GALNT7: variants seen among roughly 807,000 people sequenced by gnomAD.
The protein encoded by GALNT7 is N-acetylgalactosaminyltransferase 7.
GALNT7 carries 60 observed loss-of-function variants against 82.1 expected under a neutral mutation model. The ratio of observed to expected loss-of-function variants is 0.73; its 90% CI spans 0.59 to 0.91. The LOEUF (loss-of-function observed/expected upper bound fraction) is 0.91, where lower values mean the gene tolerates loss of function less well. Among genes scored for constraint, GALNT7 ranks in the 40% least tolerant of loss-of-function variants. GALNT7 has a pLI of 0.00. For missense variants in GALNT7, 660 were observed against 804.2 expected (o/e 0.82, Z 2.17); for synonymous variants, 243 against 275.1 (o/e 0.88, Z 1.15).
At chr4:173,222,874 A>C (rs1201743503) in intron 1 of GALNT7, among the ~76,000 whole-genome samples, 1 of 152,242 alleles carries the variant, frequency 6.6e-6, no homozygotes, top group African/African-American at 2.4e-5. Context: ...TAGATGTTTT[A>C]AATAAAATGA....
intron 1 of GALNT7, among the ~76,000 whole-genome samples, chr4:173,210,910 A>G (rs1294067378): frequency 2.0e-5 from 3 of 152,230 alleles, no homozygotes; most frequent in South Asian, 2.1e-4. Context: ...TAAATTTTCT[A>G]GTAGCCATAT....
chr4:173,304,401 A>G (rs1580007298), intron 8 of GALNT7, among the ~76,000 whole-genome samples: 2 of 137,616 alleles, frequency 1.5e-5, no homozygotes, highest in Admixed American at 1.8e-4. Flanking sequence ...CCCATCTCTT[A>G]AAAAAAAAAA....
chr4:173,286,046 G>T (rs1736310869), intron 2 of GALNT7, among the ~76,000 whole-genome samples: 1 of 152,088 alleles, frequency 6.6e-6, no homozygotes. Flanking sequence ...ACCTTTTCCA[G>T]AAAAACAAGA....
intron 1 of GALNT7, among the ~76,000 whole-genome samples, chr4:173,176,157 C>T (rs149081219): frequency 1.3e-5 from 2 of 152,132 alleles, no homozygotes; most frequent in African/African-American, 4.8e-5. Flanking sequence ...ATGGCCAGAG[C>T]AGAGTCTTCA....
At chr4:173,236,311 A>T (rs72711051) in intron 1 of GALNT7, among the ~76,000 whole-genome samples, 4,768 of 152,222 alleles carry the variant, frequency 0.031, 129 homozygotes, top group Middle Eastern at 0.051. Context: ...AGACTTTGTC[A>T]TTCTTGTTAC....
intron 2 of GALNT7, among the ~76,000 whole-genome samples, chr4:173,280,060 T>G (rs1045133179): frequency 9.2e-5 from 14 of 152,202 alleles, no homozygotes; most frequent in African/African-American, 3.4e-4. Flanking sequence ...AGAATCTTCC[T>G]GGTTATATTT....
intron 1 of GALNT7, among the ~76,000 whole-genome samples, chr4:173,246,854 A>G (rs551021030): frequency 3.3e-5 from 5 of 152,222 alleles, no homozygotes; most frequent in African/African-American, 1.2e-4. Context: ...GGGGAATCAC[A>G]CAGTTTTAGT....
chr4:173,315,016 CA>C (rs1378973042), intron 9 of GALNT7, among the ~76,000 whole-genome samples: 1 of 151,906 alleles, frequency 6.6e-6, no homozygotes, highest in East Asian at 1.9e-4. Flanking sequence ...TCTGAGAAAA[CA>C]AAAATGATAA....
At chr4:173,198,226 ATTTTTTTTTT>A (rs35936188) in intron 1 of GALNT7, among the ~76,000 whole-genome samples, 1 of 138,912 alleles carries the variant, frequency 7.2e-6, no homozygotes. Flanking sequence ...TGCCTGGCTA[ATTTTTTTTTT>A]TTTTTGTATT....
Position 173,236,423 on chromosome 4 carries a change from A to C in GALNT7, c.127-11557A>C, listed in dbSNP as rs1219635908. On this transcript the variant is annotated intron_variant, in intron 1 of 11. Coordinates refer to ENST00000265000, the MANE Select transcript of GALNT7 (RefSeq NM_017423.3). Reference sequence around the variant, plus strand: ...GTATTTTATTTTTAAGTTTTTTCTTATCTCTCTGACAACATCTTGGCTTCT... The same window carrying C: ...GTATTTTATTTTTAAGTTTTTTCTTCTCTCTCTGACAACATCTTGGCTTCT... Among the ~76,000 whole-genome samples the C allele has an allele frequency of 2.0e-5, 3 of 152,076 alleles. No homozygotes were observed. The East Asian group carries it at 5.8e-4, about 29-fold the overall frequency.
intron 2 of GALNT7, among the ~76,000 whole-genome samples, chr4:173,275,965 A>G (rs1735891891): frequency 6.6e-6 from 1 of 152,204 alleles, no homozygotes; most frequent in African/African-American, 2.4e-5. Flanking sequence ...ATGGCACCAT[A>G]CAGTACACTC....
At chr4:173,228,085 A>C (rs1733895767) in intron 1 of GALNT7, among the ~76,000 whole-genome samples, 1 of 152,002 alleles carries the variant, frequency 6.6e-6, no homozygotes, top group Non-Finnish European at 1.5e-5. Flanking sequence ...TTATGGAAAA[A>C]ATATTCAAGT....
intron 2 of GALNT7, among the ~76,000 whole-genome samples, chr4:173,278,207 CAT>C (rs1310416596): frequency 6.6e-6 from 1 of 152,206 alleles, no homozygotes; most frequent in East Asian, 1.9e-4. Context: ...TAAAAGAAGA[CAT>C]GTGTTTACCT....
At chr4:173,235,009 A>G (rs962012993) in intron 1 of GALNT7, among the ~76,000 whole-genome samples, 5 of 152,158 alleles carry the variant, frequency 3.3e-5, no homozygotes, top group Non-Finnish European at 5.9e-5. Context: ...TCTTTTCTTT[A>G]TAAATTACGC....
chr4:173,310,200 T>G (rs1737327059), intron 8 of GALNT7, among the ~76,000 whole-genome samples: 1 of 152,212 alleles, frequency 6.6e-6, no homozygotes, highest in Non-Finnish European at 1.5e-5. Context: ...GTCCTTTAGA[T>G]CTTCCACTCA....
intron 2 of GALNT7, among the ~76,000 whole-genome samples, chr4:173,261,342 G>C (rs1343874623): frequency 6.6e-6 from 1 of 151,976 alleles, no homozygotes; most frequent in Non-Finnish European, 1.5e-5. Context: ...ATGCAGACAA[G>C]GGAAGGGTGT....
Position 173,284,732 on chromosome 4 carries a change from C to A in GALNT7, c.588-7376C>A, listed in dbSNP as rs544711080. On this transcript the variant is annotated intron_variant, in intron 2 of 11. Transcript: ENST00000265000. ...TGACTCAAAAATTTGAAAAAAAAAA[C>A]AACAACAAAAAAAACCTTTTCATTA... Among the ~76,000 whole-genome samples, 37 of 150,096 alleles carry A rather than the reference C, an allele frequency of 2.5e-4. No homozygotes were observed. In the South Asian group the frequency reaches 6.9e-3, roughly 28 times the overall value.
intron 2 of GALNT7, among the ~76,000 whole-genome samples, chr4:173,275,119 G>A (rs769793759): frequency 5.9e-5 from 9 of 152,156 alleles, no homozygotes; most frequent in Non-Finnish European, 8.8e-5. Flanking sequence ...CTCATTTTTG[G>A]GGGCTCATTA....
In GALNT7 at chr4:173,323,434, CA is replaced by C. The variant is rs1225708687; in HGVS notation, c.*1718del. The C allele has an allele frequency of 1.3e-5, 2 of 152,478 alleles. No individual in the cohort carries two copies. Among genetic ancestry groups the C allele is most frequent in the African/African-American group, 4.8e-5 (2 of 41,428 alleles). 9.4% of individuals were successfully genotyped at this position (152,478 alleles called of 1,614,324 possible). ...AACTTTCATCTCTAGGGATGTTTAA[CA>C]TTTATAATTGCAAAATAAACCAACT... On this transcript the variant is annotated 3_prime_UTR_variant, in exon 12 of 12. Transcript: ENST00000265000.
Sources: allele counts gnomAD v4.1 joint callset (sites outside exome capture counted in the v4.1 genomes callset), GRCh38; gene constraint gnomAD v4.1.1; transcripts MANE v1.5; gene names NCBI Gene and HGNC (gene_info 2026-07-23, HGNC 2026-07-21).